FLNA: variants seen among roughly 807,000 people sequenced by gnomAD.
FLNA encodes the protein filamin-A.
A neutral mutation model predicts 157.6 loss-of-function variants in FLNA; 7 were observed. That is an observed-to-expected ratio of 0.04 (90% confidence interval 0.03 to 0.08). FLNA has a LOEUF of 0.08. Ranked by LOEUF, FLNA falls within the 10% of genes least tolerant of loss-of-function variation. The probability of loss-of-function intolerance (pLI) is 1.00; values close to 1 mark genes in which losing one functional copy is unlikely to be tolerated. For synonymous variants in FLNA, 1,103 were observed against 1,060.8 expected (o/e 1.04, Z -0.77); for missense variants, 1,750 against 2,398.4 (o/e 0.73, Z 5.65).
At position 154,359,527 on chromosome X, in the gene FLNA, T is replaced by G; in HGVS notation, c.4099A>C (p.Ser1367Arg). The change falls in exon 24 of 48, where the codon AGT becomes CGT. Residue 1367 changes from serine to arginine, a missense_variant. Physicochemically the swap from Ser to Arg is moderately radical, Grantham distance 110. This residue lies in a region of FLNA where 970 missense variants were observed against 1,302.6 expected (regional missense o/e 0.74). Transcript: ENST00000369850. ...TTGTTGGGCTTGTTGGTGGTGCCAC[T>G]TTGGATGCCTGGCCCGTGGACACGC... ...RVRVHGPGIQSGTTNKPNKFT... is the reference protein window; with the variant it reads ...RVRVHGPGIQRGTTNKPNKFT... 8.3e-7 allele frequency: 1 copy of G among 1,211,268 alleles called. No homozygotes were observed. The highest frequency in any genetic ancestry group is 1.1e-6 in the Non-Finnish European group (1 of 895,429).
chrX:154,367,323 C>T (rs1241628278), intron 5 of FLNA, 74 bp downstream of exon 5: 11 of 1,122,273 alleles, frequency 9.8e-6, no homozygotes, highest in Non-Finnish European at 1.3e-5. Context: ...CTGGGGACCG[C>T]CACGTTTAGA....
At chrX:154,350,510 G>A in intron 44 of FLNA, 1 of 401,898 alleles carries the variant, frequency 2.5e-6, no homozygotes, top group Admixed American at 4.2e-5. Context: ...CAGGCTCAGA[G>A]ACGGGCAGGA....
chrX:154,351,484 G>T (rs1410516259), intron 43 of FLNA, 97 bp downstream of exon 43: 4 of 584,618 alleles, frequency 6.8e-6, no homozygotes, highest in Non-Finnish European at 1.2e-5. Context: ...TGGGCCAGGG[G>T]GGTCACTGAA....
In FLNA at chrX:154,371,263, CG is replaced by C. The variant is rs782079491; in HGVS notation, c.-19del. On this transcript the variant is annotated 5_prime_UTR_variant, in exon 2 of 48. Transcript: ENST00000369850. ...CTACTCATTTTGAGGCGCGAGAAGCCGGGGGGGCGGTGCTGCAGCCTCGGCG... is the reference window on the plus strand; with the variant it reads ...CTACTCATTTTGAGGCGCGAGAAGCCGGGGGGCGGTGCTGCAGCCTCGGCG... 8 of 1,195,564 alleles carry C rather than the reference CG, an allele frequency of 6.7e-6. No homozygotes were observed. The highest frequency in any genetic ancestry group is 2.2e-5 in the Admixed American group (1 of 44,726).
intron 30 of FLNA, among the ~76,000 whole-genome samples, 157 bp downstream of exon 30, chrX:154,357,094 C>T (rs781938444): frequency 1.7e-4 from 19 of 112,286 alleles, no homozygotes; most frequent in Non-Finnish European, 3.6e-4. Flanking sequence ...CCTGGGCCCT[C>T]GCCCTCCAGC....
At position 154,367,734 on chromosome X, in the gene FLNA, C is replaced by T. The variant is rs782118838; in HGVS notation, c.627G>A (p.Leu209=). The part of the protein sequence containing the change: ...GALVDSCAPG[L]CPDWDSWDAS... ...CGTCCCAAGAGTCCCAGTCAGGACA[C>T]AGGCCTGTGGCGCAAGGGAGGCTGT... The change falls in exon 4 of 48, where the codon CTG becomes CTA. Residue 209 remains leucine, a synonymous_variant. Transcript: ENST00000369850. The T allele has an allele frequency of 1.3e-5, 16 of 1,209,482 alleles. No individual in the cohort carries two copies. In the Admixed American group the frequency reaches 3.5e-4, roughly 26 times the overall value.
chrX:154,361,085 A>AAAAAAAAAAAAGAAAG (rs2067706023), intron 21 of FLNA, among the ~76,000 whole-genome samples: 1 of 83,618 alleles, frequency 1.2e-5, no homozygotes, highest in African/African-American at 5.2e-5. Flanking sequence ...AAAAAGAAAG[A>AAAAAAAAAAAAGAAAG]AAAAAAAAAA....
chrX:154,356,752 C>T (rs782682051), intron 30 of FLNA, among the ~76,000 whole-genome samples: 2 of 112,770 alleles, frequency 1.8e-5, no homozygotes, highest in South Asian at 3.6e-4. Context: ...TCGACACTGG[C>T]GCTACTGCAC....
At position 154,365,270 on chromosome X, in the gene FLNA, A is replaced by G; in HGVS notation, c.1568-11T>C. The stretch of plus-strand genomic sequence containing the variant: ...CGCGCTCCTCTCCCTCTGCCAAGAC[A>G]AGGAGGGCCTCAGGCCTGCCCAGCA... On this transcript the variant is annotated splice_polypyrimidine_tract_variant and intron_variant, in intron 10 of 47. Transcript: ENST00000369850. 8.3e-7 allele frequency: 1 copy of G among 1,211,701 alleles called. No homozygotes were observed. Among genetic ancestry groups the G allele is most frequent in the Non-Finnish European group, 1.1e-6 (1 of 895,519 alleles).
chrX:154,360,709 C>A lies in FLNA; in HGVS notation c.3208-122G>T, dbSNP rs782769058. On this transcript the variant is annotated intron_variant, in intron 21 of 47. Transcript: ENST00000369850. ...TGCCCTCACCAAACAGGGACACGGG[C>A]GGGCCCAGGCTGCCTGCCAGATGGG... 4 of 636,165 alleles carry A rather than the reference C, an allele frequency of 6.3e-6. No homozygotes were observed. The South Asian group carries it at 1.1e-4, about 17-fold the overall frequency. 52.4% of individuals were successfully genotyped at this position (636,165 alleles called of 1,213,427 possible).
intron 21 of FLNA, among the ~76,000 whole-genome samples, chrX:154,361,046 CAAAAAAAAAAAAAAAAAAAA>C (rs59672916): frequency 6.0e-4 from 12 of 19,987 alleles, no homozygotes; most frequent in South Asian, 0.014. Context: ...GACTCTTTCT[CAAAAAAAAAAAAAAAAAAAA>C]AAAAAAAAAA....
At position 154,361,441 on chromosome X, in the gene FLNA, C is replaced by T. The variant is rs2148113514; in HGVS notation, c.3074G>A (p.Gly1025Glu). The T allele has an allele frequency of 8.3e-7, 1 of 1,211,398 alleles. No homozygotes were observed. Among genetic ancestry groups the T allele is most frequent in the Non-Finnish European group, 1.1e-6 (1 of 895,515 alleles). ...AVPCKVEPGL[G>E]ADNSVVRFLP... ...GAAGCGCACCACACTGTTGTCAGCC[C>T]CCAGGCCTGGCTCCACCTTGCAGGG... Residue 1025 changes from glycine to glutamate, a missense_variant, in exon 21 of 48, where the codon GGG becomes GAG. By Grantham distance (98) the Gly-to-Glu change is moderately conservative (BLOSUM62 -2). Transcript: ENST00000369850.
At position 154,362,929 on chromosome X, in the gene FLNA, T is replaced by C; in HGVS notation, c.2281-145A>G. The C allele has an allele frequency of 4.6e-6, 3 of 648,223 alleles. No individual in the cohort carries two copies. In the South Asian group the frequency reaches 8.6e-5, roughly 19 times the overall value. 53.4% of individuals were successfully genotyped at this position (648,223 alleles called of 1,213,427 possible). ...TCCTCAGTTGACCACAGAGGGACTG[T>C]GTGATGCTCCGGTTCACTCCGAGGC... On this transcript the variant is annotated intron_variant, in intron 15 of 47. Transcript: ENST00000369850.
rs782234886 is a variant in FLNA, at chrX:154,358,563, C to A, written c.4480G>T (p.Val1494Leu). ...QVKVQGPKGL[V>L]EPVDVVDNAD... ...TTGTCTACCACGTCCACTGGCTCCA[C>A]CAGGCCTGGCCCCAGCCCCAGGGAC... The change falls in exon 27 of 48, where the codon GTG becomes TTG. Residue 1494 changes from valine (V) to leucine (L), a missense_variant. Transcript: ENST00000369850. 8.3e-7 allele frequency: 1 copy of A among 1,207,652 alleles called. No homozygotes were observed. The highest frequency in any genetic ancestry group is 1.8e-5 in the South Asian group (1 of 56,764).
rs2067819004 is a variant in FLNA, at chrX:154,372,899, T to C, written c.-116-1538A>G. 2.7e-5 allele frequency among the ~76,000 whole-genome samples: 3 copies of C among 112,308 alleles called. No homozygotes were observed. In the South Asian group the frequency reaches 1.1e-3, roughly 41 times the overall value. ...CCCTGGGTGTCTACATGACACGTGG[T>C]GGGGCTGTGATCCGCCCAGCACATT... On this transcript the variant is annotated intron_variant, in intron 1 of 47. Coordinates refer to ENST00000369850, the MANE Select transcript of FLNA (RefSeq NM_001110556.2).
At position 154,367,526 on chromosome X, in the gene FLNA, T is replaced by A. The variant is rs782549209; in HGVS notation, c.739A>T (p.Ile247Phe). 1 of 1,210,726 alleles carries A rather than the reference T, an allele frequency of 8.3e-7. No homozygotes were observed. Among genetic ancestry groups the A allele is most frequent in the South Asian group, 1.8e-5 (1 of 56,978 alleles). The change falls in exon 5 of 48, where the codon ATT becomes TTT. Residue 247 changes from isoleucine (I) to phenylalanine (F), a missense_variant. Around this residue, in one of 5 missense-constraint regions of FLNA, gnomAD observed 71 missense variants for 239.5 expected, o/e 0.30. Coordinates refer to ENST00000369850, the MANE Select transcript of FLNA (RefSeq NM_001110556.2). ...GIPQVITPEE[I>F]VDPNVDEHSV... ...TGCTCGTCCACGTTGGGGTCCACAA[T>A]CTCCTCGGGGGTGATCACCTGTCAC...
Position 154,349,613 on chromosome X carries a change from G to A in FLNA, c.7552+36C>T, listed in dbSNP as rs148571693. 2.6e-3 allele frequency: 3,203 copies of A among 1,208,829 alleles called. 48 individuals carry two copies. The African/African-American group carries it at 0.047, about 18-fold the overall frequency. On this transcript the variant is annotated intron_variant, in intron 46 of 47. Transcript: ENST00000369850. ...CTAAGAGGTGGCTGTGGTGCCGGGC[G>A]TTGGGCAGATGCCAATAGCTTGGCC... is the stretch of plus-strand genomic sequence containing the variant.
At chrX:154,366,925 C>G (rs1379920098) in intron 5 of FLNA, 75 bp from the exon 6 acceptor site, 4 of 805,098 alleles carry the variant, frequency 5.0e-6, no homozygotes, top group Non-Finnish European at 7.6e-6. Context: ...TTCAGCCCTC[C>G]CTGCTGGCCC....
intron 15 of FLNA, among the ~76,000 whole-genome samples, chrX:154,363,544 C>G (rs1284858664): frequency 9.1e-6 from 1 of 110,492 alleles, no homozygotes; most frequent in Non-Finnish European, 1.9e-5. Flanking sequence ...GAAACCTTGT[C>G]TCTACTAAAA....
Sources: allele counts gnomAD v4.1 joint callset (sites outside exome capture counted in the v4.1 genomes callset), GRCh38; gene constraint gnomAD v4.1.1; regional missense constraint gnomAD v4.1.1; transcripts MANE v1.5; gene names NCBI Gene and HGNC (gene_info 2026-07-23, HGNC 2026-07-21).